Variants in NLRP1 observed in about 807,000 individuals in gnomAD.
NLRP1 encodes the protein NLR family pyrin domain containing 1.
Under a neutral mutation model 136.7 loss-of-function variants are expected in NLRP1, and 94 were observed. The observed-to-expected ratio is 0.69, with a 90% CI of 0.58 to 0.82. The LOEUF is 0.82. Among genes scored for constraint, NLRP1 ranks in the 40% least tolerant of loss-of-function variants. The pLI is 0.00. For synonymous variants in NLRP1, 690 were observed against 725.1 expected (o/e 0.95, Z 0.78); for missense variants, 1,575 against 1,802.7 (o/e 0.87, Z 2.29).
At chr17:5,507,316 TA>T (rs1907395139) in intron 15 of NLRP1, among the ~76,000 whole-genome samples, 1 of 152,168 alleles carries the variant, frequency 6.6e-6, no homozygotes, top group Non-Finnish European at 1.5e-5. Context: ...TCAAATAAAT[TA>T]AATTAATTAA....
intron 15 of NLRP1, among the ~76,000 whole-genome samples, chr17:5,507,969 A>G (rs990946347): frequency 2.6e-5 from 4 of 151,674 alleles, no homozygotes; most frequent in Non-Finnish European, 5.9e-5. Context: ...CCCCATCTCT[A>G]CTAAAAATAC....
chr17:5,566,025 G>A (rs1363525711), intron 3 of NLRP1, among the ~76,000 whole-genome samples: 2 of 151,922 alleles, frequency 1.3e-5, no homozygotes, highest in Non-Finnish European at 2.9e-5. Flanking sequence ...CAGCTGAAAT[G>A]TTTCCTTTTT....
intron 11 of NLRP1, among the ~76,000 whole-genome samples, chr17:5,531,625 G>A (rs1910281496): frequency 6.6e-6 from 1 of 152,170 alleles, no homozygotes; most frequent in Non-Finnish European, 1.5e-5. Flanking sequence ...AGTGGGTCCC[G>A]GGATGCCCCA....
At chr17:5,516,539 T>C (rs1352253208) in intron 15 of NLRP1, among the ~76,000 whole-genome samples, 3 of 152,202 alleles carry the variant, frequency 2.0e-5, no homozygotes, top group Non-Finnish European at 2.9e-5. Flanking sequence ...GAGGCAGAGA[T>C]TGGCTTAACA....
chr17:5,538,973 C>T (rs1191270745), intron 7 of NLRP1, among the ~76,000 whole-genome samples: 3 of 152,150 alleles, frequency 2.0e-5, no homozygotes, highest in Non-Finnish European at 2.9e-5. Context: ...CTCTGCCTCC[C>T]AGGCTCAAGT....
Position 5,583,147 on chromosome 17 carries a change from T to C in NLRP1, c.272-301A>G, listed in dbSNP as rs1277952846. 6.6e-6 allele frequency among the ~76,000 whole-genome samples: 1 copy of C among 152,156 alleles called. No homozygotes were observed. The highest frequency in any genetic ancestry group is 2.4e-5 in the African/African-American group (1 of 41,414). On this transcript the variant is annotated intron_variant, in intron 1 of 16. Coordinates refer to ENST00000572272, the MANE Select transcript of NLRP1 (RefSeq NM_033004.4). The surrounding 1 kb of genome is among the most constrained non-coding windows in gnomAD (Gnocchi z 4.5). ...GCTGTGCTTTATTGGGCCAACGGCA[T>C]CTGCAACCCAGGGTGGCTAATAGTA...
chr17:5,530,719 G>C lies in NLRP1; in HGVS notation c.3297-15C>G. ...GGAAGTGAACTCTGGGAAGAAGAGG[G>C]AGAGGCAGACACTTACTGCACGAAC... On this transcript the variant is annotated splice_polypyrimidine_tract_variant and intron_variant, in intron 11 of 16. Transcript: ENST00000572272. 6.2e-7 allele frequency: 1 copy of C among 1,604,576 alleles called. No individual in the cohort carries two copies. Among genetic ancestry groups the C allele is most frequent in the South Asian group, 1.1e-5 (1 of 90,906 alleles).
chr17:5,547,454 G>A (rs1370606783), intron 5 of NLRP1, among the ~76,000 whole-genome samples: 2 of 152,282 alleles, frequency 1.3e-5, no homozygotes, highest in Admixed American at 1.3e-4. Context: ...GTGTGTGTCT[G>A]GCTCCAGGGA....
At chr17:5,566,379 A>G (rs1444099140) in intron 3 of NLRP1, among the ~76,000 whole-genome samples, 1 of 151,774 alleles carries the variant, frequency 6.6e-6, no homozygotes, top group Non-Finnish European at 1.5e-5. Flanking sequence ...GTTTCAAGAA[A>G]TTTTTCTTTC....
chr17:5,584,189 A>G lies in NLRP1; in HGVS notation c.-232T>C. ...GAGGGGCCTGCAAGACACTGGAAGA[A>G]GTCAGCTGATAGGGAGGTCCTGGGA... On this transcript the variant is annotated 5_prime_UTR_variant, in exon 1 of 17. Transcript: ENST00000572272. The G allele has an allele frequency of 1.8e-6, 1 of 564,684 alleles. No individual in the cohort carries two copies. The highest frequency in any genetic ancestry group is 3.2e-6 in the Non-Finnish European group (1 of 316,382). 35.0% of individuals were successfully genotyped at this position (564,684 alleles called of 1,614,324 possible).
rs745931143 is a variant in NLRP1, at chr17:5,532,806, G to A, written c.3296+16C>T. Reference sequence around the variant, plus strand: ...GCGGGAGGCCAGCCTGGGACCAGCAGAGCCCCCTCACTCACCGGTACAAGT... The same window carrying A: ...GCGGGAGGCCAGCCTGGGACCAGCAAAGCCCCCTCACTCACCGGTACAAGT... On this transcript the variant is annotated intron_variant, in intron 11 of 16. Transcript: ENST00000572272. The A allele has an allele frequency of 1.3e-6, 2 of 1,579,898 alleles. No homozygotes were observed. The highest frequency in any genetic ancestry group is 1.7e-6 in the Non-Finnish European group (2 of 1,164,992).
chr17:5,536,150 C>T (rs1166535458), intron 8 of NLRP1, among the ~76,000 whole-genome samples: 2 of 149,426 alleles, frequency 1.3e-5, no homozygotes, highest in Admixed American at 6.7e-5. Flanking sequence ...TTTTCTTGTT[C>T]TTTTTTTTTT....
chr17:5,565,216 T>C (rs909170446), intron 3 of NLRP1, among the ~76,000 whole-genome samples: 1 of 152,256 alleles, frequency 6.6e-6, no homozygotes, highest in African/African-American at 2.4e-5. Context: ...AGTTTTCATT[T>C]GCATTTCTCT....
intron 9 of NLRP1, 93 bp from the exon 10 acceptor site, chr17:5,533,477 G>A (rs1190327224): frequency 3.0e-6 from 2 of 669,046 alleles, no homozygotes; most frequent in South Asian, 3.2e-5. Context: ...GATTGTTTGA[G>A]CTCAGAAGGT....
chr17:5,505,271 C>T (rs1907277693), intron 15 of NLRP1: 1 of 152,512 alleles, frequency 6.6e-6, no homozygotes, highest in Non-Finnish European at 1.5e-5. Flanking sequence ...CTGCCCCACC[C>T]TGAGAGGCTT....
intron 11 of NLRP1, among the ~76,000 whole-genome samples, chr17:5,532,008 TGAGG>T (rs1364635223): frequency 6.6e-6 from 1 of 152,160 alleles, no homozygotes; most frequent in African/African-American, 2.4e-5. Flanking sequence ...TTTGGGAGGC[TGAGG>T]AAGGTGGATC....
chr17:5,531,401 T>C (rs1910257361), intron 11 of NLRP1, among the ~76,000 whole-genome samples: 1 of 152,158 alleles, frequency 6.6e-6, no homozygotes, highest in African/African-American at 2.4e-5. Flanking sequence ...GTAATTTTTG[T>C]AGACACAAGG....
At chr17:5,532,308 C>T (rs1373225465) in intron 11 of NLRP1, among the ~76,000 whole-genome samples, 1 of 152,092 alleles carries the variant, frequency 6.6e-6, no homozygotes, top group Non-Finnish European at 1.5e-5. Flanking sequence ...ATGTTTTAGA[C>T]AATTGAGCAA....
rs59028107 is a variant in NLRP1 at position 5,556,115 on chromosome 17, T to TACACACAC, written c.2357+2216_2357+2223dup. ...CTGTCTCTGTCTCTGTCTCTCTCTC[T>TACACACAC]ACACACACACACACACACACACACA... On this transcript the variant is annotated intron_variant, in intron 4 of 16. Transcript: ENST00000572272. Among the ~76,000 whole-genome samples, 442 of 119,056 alleles carry TACACACAC rather than the reference T, an allele frequency of 3.7e-3. 7 individuals are homozygous for TACACACAC. The highest frequency in any genetic ancestry group is 0.011 in the African/African-American group (329 of 29,232). The allele number at this position is 119,056 out of a possible 152,430, so 78.1% of individuals were successfully genotyped here.
Sources: allele counts gnomAD v4.1 joint callset (sites outside exome capture counted in the v4.1 genomes callset), GRCh38; gene constraint gnomAD v4.1.1; non-coding constraint Gnocchi (gnomAD v3.1); transcripts MANE v1.5; gene names NCBI Gene and HGNC (gene_info 2026-07-23, HGNC 2026-07-21).